LRCH3: variants seen among roughly 807,000 people sequenced by gnomAD.
LRCH3 encodes DISP complex protein LRCH3.
A neutral mutation model predicts 104.5 loss-of-function variants in LRCH3; 68 were observed. The ratio of observed to expected loss-of-function variants is 0.65; its 90% confidence interval spans 0.54 to 0.80. The LOEUF (loss-of-function observed/expected upper bound fraction) is 0.80, where lower values mean the gene tolerates loss of function less well. Ranked by LOEUF, LRCH3 falls within the 30% of genes least tolerant of loss-of-function variation. The pLI is 0.00. For synonymous variants in LRCH3, 344 were observed against 361.3 expected, an observed-to-expected ratio of 0.95 and a Z score of 0.54; for missense variants, 951 against 953.9, an observed-to-expected ratio of 1.00 and a Z score of 0.04.
At position 197,883,027 on chromosome 3, in the gene LRCH3, T is replaced by G. The variant is rs1713921228; in HGVS notation, c.2209-514T>G. 1.0e-6 allele frequency: 1 copy of G among 985,342 alleles called. No individual in the cohort carries two copies. The highest frequency in any genetic ancestry group is 1.7e-5 in the African/African-American group (1 of 57,246). The allele number at this position is 985,342 out of a possible 1,614,324, so 61.0% of individuals were successfully genotyped here. On this transcript the variant is annotated intron_variant, in intron 20 of 20. Transcript: ENST00000425562. This position sits in a 1 kb window ranked among gnomAD's most constrained non-coding sequence, Gnocchi z 4.2. ...CCCTATCTGGTCTGGAAACCCTGGTTTTCACAGTCAGGATTATAATGCAGA... is the reference window on the plus strand; with the variant it reads ...CCCTATCTGGTCTGGAAACCCTGGTGTTCACAGTCAGGATTATAATGCAGA...
At chr3:197,816,656 C>G (rs982056490) in intron 2 of LRCH3, among the ~76,000 whole-genome samples, 2 of 152,144 alleles carry the variant, frequency 1.3e-5, no homozygotes, top group African/African-American at 4.8e-5. Context: ...TTACCTGTAA[C>G]TTAGTTGGTG....
chr3:197,883,060 G>T lies in LRCH3; in HGVS notation c.2209-481G>T, dbSNP rs1420634558. 2.0e-6 allele frequency: 2 copies of T among 985,782 alleles called. No individual in the cohort carries two copies. The highest frequency in any genetic ancestry group is 1.7e-5 in the African/African-American group (1 of 57,232). 61.1% of individuals were successfully genotyped at this position (985,782 alleles called of 1,614,324 possible). A position where few individuals can be genotyped will look rare whatever the true frequency, so the allele number is the denominator to read the frequency against. On this transcript the variant is annotated intron_variant, in intron 20 of 20. Coordinates refer to ENST00000425562, the MANE Select transcript of LRCH3 (RefSeq NM_001365715.1). The surrounding 1 kb of genome is among the most constrained non-coding windows in gnomAD (Gnocchi z 4.2). ...TCAGGATTATAATGCAGATAGCGTA[G>T]AACTCATGCAGGCTGAGTTATGTTT...
Position 197,826,961 on chromosome 3 carries a change from C to T in LRCH3, c.724C>T (p.His242Tyr), listed in dbSNP as rs777632463. Residue 242 changes from histidine (H) to tyrosine (Y), a missense_variant, in exon 5 of 21, where the codon CAC (histidine) becomes TAC (tyrosine). Coordinates refer to ENST00000425562, the MANE Select transcript of LRCH3 (RefSeq NM_001365715.1). ...CCCTGTTTGTTATCGGAACCTCAGG[C>T]ACCTACAGACGATCACCCTAGATAA... The part of the protein sequence containing the change: ...TIPVCYRNLR[H>Y]LQTITLDNNP... 2.5e-5 allele frequency: 41 copies of T among 1,613,922 alleles called. No individual in the cohort carries two copies. The highest frequency in any genetic ancestry group is 8.5e-6 in the Non-Finnish European group (10 of 1,180,028).
At chr3:197,818,283 C>G (rs1190299406) in intron 3 of LRCH3, among the ~76,000 whole-genome samples, 1 of 152,154 alleles carries the variant, frequency 6.6e-6, no homozygotes, top group African/African-American at 2.4e-5. Context: ...GCTGAGGAAG[C>G]TAGCACTCAA....
chr3:197,824,951 G>A (rs1423927539), intron 4 of LRCH3, among the ~76,000 whole-genome samples: 1 of 152,182 alleles, frequency 6.6e-6, no homozygotes, highest in Non-Finnish European at 1.5e-5. Flanking sequence ...CTGTTTTGCT[G>A]GAGGACATCT....
At chr3:197,882,669 A>G (rs949365234) in intron 20 of LRCH3, 6 of 982,604 alleles carry the variant, frequency 6.1e-6, no homozygotes, top group Non-Finnish European at 6.0e-6. Context: ...AAAGCTAGTG[A>G]TAAATGCTGT....
At chr3:197,860,262 A>G (rs1740717228) in intron 15 of LRCH3, among the ~76,000 whole-genome samples, 1 of 152,148 alleles carries the variant, frequency 6.6e-6, no homozygotes. Context: ...TCGGCCTCCC[A>G]AAGTGCTAGG....
chr3:197,839,971 C>CA (rs61011180), intron 10 of LRCH3, among the ~76,000 whole-genome samples: 11,021 of 111,032 alleles, frequency 0.099, 657 homozygotes, highest in African/African-American at 0.2. Context: ...GACCCTGTCT[C>CA]AAAAAAAAAA....
At position 197,814,788 on chromosome 3, in the gene LRCH3, G is replaced by A. The variant is rs1580611226; in HGVS notation, c.263-120G>A. ...ATAATTTGTAAGCAGATATGCCTTA[G>A]AAGCTGTTTTACTTTTAAAGAATAA... On this transcript the variant is annotated intron_variant, in intron 1 of 20. Transcript: ENST00000425562. 6 of 762,672 alleles carry A rather than the reference G, an allele frequency of 7.9e-6. No individual in the cohort carries two copies. In the South Asian group the frequency reaches 1.5e-4, roughly 19 times the overall value. The allele number at this position is 762,672 out of a possible 1,614,324, so 47.2% of individuals were successfully genotyped here.
intron 10 of LRCH3, among the ~76,000 whole-genome samples, chr3:197,840,682 C>T (rs1413098285): frequency 1.3e-5 from 2 of 151,984 alleles, no homozygotes; most frequent in East Asian, 1.9e-4. Flanking sequence ...AAAGGTAACT[C>T]GGGGGACTGA....
At chr3:197,812,481 A>G (rs1287539603) in intron 1 of LRCH3, among the ~76,000 whole-genome samples, 1 of 99,486 alleles carries the variant, frequency 1.0e-5, no homozygotes, top group African/African-American at 3.8e-5. Context: ...GCCTACAAAT[A>G]TCTGTTCAAG....
intron 3 of LRCH3, among the ~76,000 whole-genome samples, chr3:197,817,970 G>T (rs1314594414): frequency 3.9e-5 from 6 of 152,076 alleles, no homozygotes; most frequent in Non-Finnish European, 7.4e-5. Context: ...ACAGGCGCCC[G>T]CCACCATGCC....
At chr3:197,829,761 T>A in intron 6 of LRCH3, 88 bp downstream of exon 6, 1 of 843,514 alleles carries the variant, frequency 1.2e-6, no homozygotes, top group Non-Finnish European at 1.9e-6. Context: ...AATGTTTGAC[T>A]AAAGGGAAAT....
intron 2 of LRCH3, among the ~76,000 whole-genome samples, chr3:197,816,244 T>A (rs1030988571): frequency 6.6e-6 from 1 of 152,076 alleles, no homozygotes; most frequent in Non-Finnish European, 1.5e-5. Flanking sequence ...TACGTAAAGA[T>A]CTTATTTATT....
At chr3:197,873,409 G>A (rs1359028206) in intron 19 of LRCH3, among the ~76,000 whole-genome samples, 3 of 152,076 alleles carry the variant, frequency 2.0e-5, no homozygotes, top group Non-Finnish European at 2.9e-5. Context: ...AGCCAGTGAC[G>A]GACAAGCATG....
At chr3:197,881,848 G>T in intron 20 of LRCH3, 1 of 985,396 alleles carries the variant, frequency 1.0e-6, no homozygotes, top group Non-Finnish European at 1.2e-6. Flanking sequence ...ACATCTGGGT[G>T]TAGAATTCAG....
At chr3:197,801,104 A>AAAAAG (rs60914773) in intron 1 of LRCH3, among the ~76,000 whole-genome samples, 107,595 of 147,680 alleles carry the variant, frequency 0.73, 41,305 homozygotes, top group East Asian at 0.93. Context: ...CAAAAAAAAA[A>AAAAAG]ACAAGAAAAT....
chr3:197,798,993 G>T lies in LRCH3; in HGVS notation c.262+7453G>T, dbSNP rs535366388. Among the ~76,000 whole-genome samples the T allele has an allele frequency of 2.0e-5, 3 of 152,296 alleles. No individual in the cohort carries two copies. In the South Asian group the frequency reaches 6.2e-4, roughly 32 times the overall value. On this transcript the variant is annotated intron_variant, in intron 1 of 20. Transcript: ENST00000425562. ...CTCTCTCATCACTGCAGGAAGTTAG[G>T]TTAGACAGTACGTTAGACTCCCCTG...
intron 1 of LRCH3, among the ~76,000 whole-genome samples, chr3:197,813,222 G>C (rs1733393736): frequency 1.3e-5 from 2 of 152,210 alleles, no homozygotes; most frequent in South Asian, 4.1e-4. Flanking sequence ...TTGATGCTTT[G>C]TGTTACAAAC....
Sources: allele counts gnomAD v4.1 joint callset (sites outside exome capture counted in the v4.1 genomes callset), GRCh38; gene constraint gnomAD v4.1.1; non-coding constraint Gnocchi (gnomAD v3.1); transcripts MANE v1.5; gene names NCBI Gene and HGNC (gene_info 2026-07-23, HGNC 2026-07-21).